SLC26A5: variants seen among roughly 807,000 people sequenced by gnomAD.
The protein encoded by SLC26A5 is solute carrier family 26 member 5.
A neutral mutation model predicts 81.0 loss-of-function variants in SLC26A5; 51 were observed. The ratio of observed to expected loss-of-function variants is 0.63; its 90% CI spans 0.50 to 0.80. The LOEUF is 0.80. Among genes scored for constraint, SLC26A5 ranks in the 30% least tolerant of loss-of-function variants. The pLI, the probability that SLC26A5 is intolerant of heterozygous loss-of-function variation, is 0.00. For synonymous variants in SLC26A5, 325 were observed against 332.8 expected (o/e 0.98, Z 0.25); for missense variants, 771 against 905.8 (o/e 0.85, Z 1.91).
intron 8 of SLC26A5, among the ~76,000 whole-genome samples, chr7:103,399,947 C>A (rs1823446132): frequency 6.6e-6 from 1 of 152,166 alleles, no homozygotes; most frequent in Non-Finnish European, 1.5e-5. Context: ...ATATGTGCCA[C>A]ATTTTCTTTA....
rs145993743 is a variant in SLC26A5, at chr7:103,385,339, C to T, written c.1514+3669G>A. On this transcript the variant is annotated intron_variant, in intron 14 of 19. Coordinates refer to ENST00000306312, the MANE Select transcript of SLC26A5 (RefSeq NM_198999.3). ...CACCACGCCTGGCTAATTTTTTGAT[C>T]GAGCCAGGATGGTCTCGATCTCCTG... is the stretch of plus-strand genomic sequence containing the variant. Among the ~76,000 whole-genome samples, 661 of 151,970 alleles carry T rather than the reference C, an allele frequency of 4.3e-3. 8 individuals carry two copies. The highest frequency in any genetic ancestry group is 0.015 in the African/African-American group (630 of 41,510).
intron 18 of SLC26A5, 96 bp downstream of exon 18, chr7:103,377,503 T>G: frequency 8.6e-7 from 1 of 1,162,070 alleles, no homozygotes; most frequent in Non-Finnish European, 1.3e-6. Context: ...GATAAATCTT[T>G]TGTTGAAAAG....
chr7:103,432,829 C>T (rs1826178518), intron 2 of SLC26A5, among the ~76,000 whole-genome samples: 1 of 152,060 alleles, frequency 6.6e-6, no homozygotes, highest in Non-Finnish European at 1.5e-5. Context: ...TGTTTTTAGA[C>T]ACTTTCATGT....
rs780929461 is a variant in SLC26A5, at chr7:103,389,337, T to C, written c.1399A>G (p.Ile467Val). The change falls in exon 13 of 20, where the codon ATA becomes GTA. Residue 467 changes from isoleucine to valine, a missense_variant. By Grantham distance (29) the Ile-to-Val change is conservative (BLOSUM62 3). Coordinates refer to ENST00000306312, the MANE Select transcript of SLC26A5 (RefSeq NM_198999.3). ...DLPFFWRTSK[I>V]ELTIWLTTFV... ...TCACCTTTGTTACTTACCAGCTCTATTTTGCTGGTTCTCCAGAAAAAGGGG... is the reference window on the plus strand; with the variant it reads ...TCACCTTTGTTACTTACCAGCTCTACTTTGCTGGTTCTCCAGAAAAAGGGG... 8.1e-6 allele frequency: 13 copies of C among 1,611,660 alleles called. No individual in the cohort carries two copies. The East Asian group carries it at 2.9e-4, about 36-fold the overall frequency.
chr7:103,364,027 T>C (rs922044412), intron 19 of SLC26A5: 88 of 965,588 alleles, frequency 9.1e-5, no homozygotes, highest in Non-Finnish European at 1.3e-4. Context: ...GATTTAAATA[T>C]TAAAGTATGG....
In SLC26A5 at chr7:103,367,852, C is replaced by T. The variant is rs1386751886; in HGVS notation, c.2041+8956G>A. On this transcript the variant is annotated intron_variant, in intron 19 of 19. Coordinates refer to the SLC26A5 transcript ENST00000339444. The surrounding 1 kb of genome is among the most constrained non-coding windows in gnomAD (Gnocchi z 6.1). ...GCTTATATTTGCTGGTCTGTCTGCTCAGGCTGCTTTAATTAAGCCCGTTTA... is the reference window on the plus strand; with the variant it reads ...GCTTATATTTGCTGGTCTGTCTGCTTAGGCTGCTTTAATTAAGCCCGTTTA... 7 of 1,612,730 alleles carry T rather than the reference C, an allele frequency of 4.3e-6. No homozygotes were observed. The highest frequency in any genetic ancestry group is 5.1e-6 in the Non-Finnish European group (6 of 1,179,412).
In SLC26A5 at chr7:103,366,371, C is replaced by T. The variant is rs566890174; in HGVS notation, c.2041+10437G>A. 6.6e-5 allele frequency among the ~76,000 whole-genome samples: 10 copies of T among 152,110 alleles called. No individual in the cohort carries two copies. The East Asian group carries it at 1.9e-3, about 29-fold the overall frequency. ...ATATACCATTGTCATTTTTTCAAAG[C>T]CTTTATTTTTGTGCTATGGGTTGAA... On this transcript the variant is annotated intron_variant, in intron 19 of 19. Transcript: ENST00000339444.
chr7:103,420,225 T>C (rs960157609), intron 4 of SLC26A5, among the ~76,000 whole-genome samples: 1 of 151,314 alleles, frequency 6.6e-6, no homozygotes, highest in Non-Finnish European at 1.5e-5. Context: ...GGTAAGATAA[T>C]GCCCAAGCAG....
At chr7:103,442,973 G>A (rs1826989185) in intron 2 of SLC26A5, 110 bp downstream of exon 2, 1 of 152,262 alleles carries the variant, frequency 6.6e-6, no homozygotes, top group Non-Finnish European at 1.5e-5. Context: ...AAATAGTGGT[G>A]TGTGATTTAG....
chr7:103,389,503 C>A, intron 12 of SLC26A5, 79 bp from the exon 13 acceptor site: 1 of 1,012,828 alleles, frequency 9.9e-7, no homozygotes, highest in African/African-American at 1.6e-5. Flanking sequence ...TGTCCTCCTG[C>A]TGTCCTCCCC....
At chr7:103,379,877 A>G (rs1196300689) in intron 15 of SLC26A5, among the ~76,000 whole-genome samples, 1 of 152,162 alleles carries the variant, frequency 6.6e-6, no homozygotes, top group East Asian at 1.9e-4. Context: ...ACTTCTTTGG[A>G]TCGAGGAAAA....
chr7:103,442,833 G>A (rs1826977911), intron 2 of SLC26A5, among the ~76,000 whole-genome samples: 1 of 152,162 alleles, frequency 6.6e-6, no homozygotes, highest in Admixed American at 6.5e-5. Context: ...CCACCACCTA[G>A]TTGCCACTCA....
At chr7:103,421,340 A>T (rs1314671470) in intron 3 of SLC26A5, 23 bp downstream of exon 3, 1 of 1,613,598 alleles carries the variant, frequency 6.2e-7, no homozygotes, top group Non-Finnish European at 8.5e-7. Context: ...ACAATAACAG[A>T]AACAGGTTAA....
intron 2 of SLC26A5, among the ~76,000 whole-genome samples, chr7:103,429,008 C>T (rs778841165): frequency 6.6e-6 from 1 of 152,160 alleles, no homozygotes; most frequent in Non-Finnish European, 1.5e-5. Context: ...TTCTCTCCTC[C>T]CAGTCCCTGG....
intron 2 of SLC26A5, among the ~76,000 whole-genome samples, chr7:103,432,718 C>G (rs1220138714): frequency 6.6e-6 from 1 of 151,744 alleles, no homozygotes; most frequent in South Asian, 2.1e-4. Flanking sequence ...GCTGACACTC[C>G]CTTGCAGTGA....
intron 6 of SLC26A5, 117 bp from the exon 7 acceptor site, chr7:103,410,666 T>C (rs1824414851): frequency 2.6e-5 from 24 of 937,628 alleles, no homozygotes; most frequent in Non-Finnish European, 3.8e-5. Flanking sequence ...TGAGATGGAG[T>C]CTTGCTCTGT....
chr7:103,354,622 C>T (rs114401440), intron 19 of SLC26A5, among the ~76,000 whole-genome samples: 1,867 of 152,060 alleles, frequency 0.012, 34 homozygotes, highest in African/African-American at 0.043. Flanking sequence ...CACCCGCCTC[C>T]GCCCCCTAAA....
intron 19 of SLC26A5, chr7:103,369,160 T>A (rs1184173603): frequency 6.6e-6 from 1 of 152,236 alleles, no homozygotes; most frequent in African/African-American, 2.4e-5. Flanking sequence ...TATGAAAGTT[T>A]TCAAGTAAAG....
intron 3 of SLC26A5, 39 bp from the exon 4 acceptor site, chr7:103,420,916 G>C: frequency 6.4e-7 from 1 of 1,572,034 alleles, no homozygotes; most frequent in Non-Finnish European, 8.7e-7. Context: ...AGTTATAAAT[G>C]AGAAACATCT....
Sources: gnomAD v4.1 joint callset for allele counts (sites outside exome capture counted in the v4.1 genomes callset) on GRCh38, gnomAD v4.1.1 for gene constraint, Gnocchi (gnomAD v3.1) non-coding constraint, MANE v1.5 for transcripts, NCBI Gene and HGNC (gene_info 2026-07-23, HGNC 2026-07-21) for gene names.